ZDHHC21: variants seen among roughly 807,000 people sequenced by gnomAD.
The protein encoded by ZDHHC21 is zDHHC palmitoyltransferase 21, also known as palmitoyltransferase ZDHHC21.
A neutral mutation model predicts 34.6 loss-of-function variants in ZDHHC21; 15 were observed. The ratio of observed to expected loss-of-function variants is 0.43; its 90% CI spans 0.29 to 0.67. The LOEUF is 0.67. ZDHHC21 is among the 30% of genes least tolerant of loss of function. ZDHHC21 has a pLI of 0.14. For missense variants in ZDHHC21, 344 were observed against 327.7 expected (o/e 1.05, Z -0.38); for synonymous variants, 142 against 101.8 (o/e 1.40, Z -2.38).
intron 8 of ZDHHC21, among the ~76,000 whole-genome samples, chr9:14,620,827 C>A (rs569679010): frequency 6.6e-6 from 1 of 152,022 alleles, no homozygotes; most frequent in Admixed American, 6.6e-5. Context: ...TTCATTTACA[C>A]ATTTTCCAGG....
chr9:14,628,015 T>C lies in ZDHHC21; in HGVS notation c.622-8333A>G, dbSNP rs1021562414. 2.6e-5 allele frequency among the ~76,000 whole-genome samples: 4 copies of C among 152,162 alleles called. No individual in the cohort carries two copies. In the South Asian group the frequency reaches 8.3e-4, roughly 31 times the overall value. On this transcript the variant is annotated intron_variant, in intron 8 of 9. Coordinates refer to ENST00000380916, the MANE Select transcript of ZDHHC21 (RefSeq NM_178566.6). Reference sequence around the variant, plus strand: ...TCCCTTAATAAAAAATGCCTCGAAGTAGACTGATTTGAAAACATTTTTATT... The same window carrying C: ...TCCCTTAATAAAAAATGCCTCGAAGCAGACTGATTTGAAAACATTTTTATT...
In ZDHHC21 at chr9:14,612,469, T is replaced by C. The variant is rs1823467596; in HGVS notation, c.*6497A>G. The C allele has an allele frequency of 1.3e-5, 2 of 151,982 alleles. No individual in the cohort carries two copies. The highest frequency in any genetic ancestry group is 3.2e-3 in the Middle Eastern group (1 of 316). The allele number at this position is 151,982 out of a possible 1,614,324, so 9.4% of individuals were successfully genotyped here. ...CATAGCAGCATTACATTTGGACAAT[T>C]ACATTTCAAAGGTGTTTTAAATTAC... On this transcript the variant is annotated 3_prime_UTR_variant, in exon 10 of 10. Coordinates refer to ENST00000380916, the MANE Select transcript of ZDHHC21 (RefSeq NM_178566.6).
chr9:14,661,490 TTTA>T (rs1833388013), intron 6 of ZDHHC21, among the ~76,000 whole-genome samples: 2 of 152,218 alleles, frequency 1.3e-5, no homozygotes, highest in African/African-American at 4.8e-5. Context: ...AGTTTAAATA[TTTA>T]TACAGAGAGC....
chr9:14,638,039 A>G (rs1178975113), intron 8 of ZDHHC21, among the ~76,000 whole-genome samples: 2 of 152,016 alleles, frequency 1.3e-5, no homozygotes, highest in Non-Finnish European at 2.9e-5. Flanking sequence ...TAAAATTTGT[A>G]AGTCAAAAAA....
chr9:14,642,920 A>G (rs1829631255), intron 7 of ZDHHC21, among the ~76,000 whole-genome samples: 2 of 151,850 alleles, frequency 1.3e-5, no homozygotes, highest in Admixed American at 6.6e-5. Flanking sequence ...ATAAATTCAT[A>G]AAACACATGT....
rs1241742054 is a variant in ZDHHC21 at position 14,613,989 on chromosome 9, T to C, written c.*4977A>G. The C allele has an allele frequency of 1.3e-5, 2 of 151,958 alleles. No individual in the cohort carries two copies. The highest frequency in any genetic ancestry group is 1.9e-4 in the East Asian group (1 of 5,176). 9.4% of individuals were successfully genotyped at this position (151,958 alleles called of 1,614,324 possible). A position where few individuals can be genotyped will look rare whatever the true frequency, so the allele number is the denominator to read the frequency against. On this transcript the variant is annotated 3_prime_UTR_variant, in exon 10 of 10. Coordinates refer to ENST00000380916, the MANE Select transcript of ZDHHC21 (RefSeq NM_178566.6). The stretch of plus-strand genomic sequence containing the variant: ...GACCAACTGAAGAGAAACCGCAATA[T>C]AAATTCTTTAAGTTAAATAATTCAA...
the ZDHHC21 span, among the ~76,000 whole-genome samples, chr9:14,605,979 TAAA>T: frequency 6.6e-6 from 1 of 152,078 alleles, no homozygotes; most frequent in Non-Finnish European, 1.5e-5. Context: ...GCATAATAGT[TAAA>T]AAAACAAAAA....
At chr9:14,651,247 G>A (rs569500747) in intron 7 of ZDHHC21, among the ~76,000 whole-genome samples, 54 of 151,934 alleles carry the variant, frequency 3.6e-4, no homozygotes, top group African/African-American at 1.1e-3. Context: ...CAATCAGGAG[G>A]TTCACTGAGC....
chr9:14,685,243 A>C (rs1838106047), intron 2 of ZDHHC21, among the ~76,000 whole-genome samples: 1 of 151,834 alleles, frequency 6.6e-6, no homozygotes, highest in Non-Finnish European at 1.5e-5. Context: ...CAGCAAAAGA[A>C]ACTACCATCA....
intron 8 of ZDHHC21, among the ~76,000 whole-genome samples, chr9:14,636,627 C>T (rs1388308129): frequency 6.6e-6 from 1 of 152,082 alleles, no homozygotes; most frequent in Non-Finnish European, 1.5e-5. Flanking sequence ...GCAAATGGAA[C>T]ATTTTCCAAG....
At chr9:14,652,764 T>A (rs1422929508) in intron 7 of ZDHHC21, among the ~76,000 whole-genome samples, 1 of 151,992 alleles carries the variant, frequency 6.6e-6, no homozygotes, top group Non-Finnish European at 1.5e-5. Context: ...ACAGGTTAAG[T>A]GCCATTACAT....
At chr9:14,605,639 G>T in the ZDHHC21 span, among the ~76,000 whole-genome samples, 1 of 152,100 alleles carries the variant, frequency 6.6e-6, no homozygotes, top group South Asian at 2.1e-4. Flanking sequence ...TCGATAGACT[G>T]CCATTTGATT....
chr9:14,648,307 T>C (rs1277170872), intron 7 of ZDHHC21, among the ~76,000 whole-genome samples: 1 of 135,682 alleles, frequency 7.4e-6, no homozygotes. Flanking sequence ...TTATTTTTCA[T>C]AGCAATCAGG....
intron 2 of ZDHHC21, among the ~76,000 whole-genome samples, chr9:14,680,917 T>C (rs1021617518): frequency 1.4e-4 from 22 of 152,212 alleles, no homozygotes; most frequent in African/African-American, 5.1e-4. Flanking sequence ...TAAATAGCCA[T>C]CAGGAAAAGA....
At chr9:14,589,225 G>C in the ZDHHC21 span, 7 of 152,228 alleles carry the variant, frequency 4.6e-5, no homozygotes, top group Non-Finnish European at 1.0e-4. Flanking sequence ...ATGAAGAAAA[G>C]GAGAGGCAAC....
At chr9:14,659,590 C>CA (rs529633859) in intron 6 of ZDHHC21, among the ~76,000 whole-genome samples, 59 of 152,094 alleles carry the variant, frequency 3.9e-4, no homozygotes, top group African/African-American at 1.4e-3. Context: ...AAAATTCCAG[C>CA]AAAAAACCCT....
At chr9:14,645,598 G>A (rs912714985) in intron 7 of ZDHHC21, among the ~76,000 whole-genome samples, 2 of 152,036 alleles carry the variant, frequency 1.3e-5, no homozygotes, top group Middle Eastern at 3.4e-3. Context: ...TTGATAAGGT[G>A]GAGTACATTA....
chr9:14,611,480 C>T lies in ZDHHC21; in HGVS notation c.*7486G>A, dbSNP rs1823286475. On this transcript the variant is annotated 3_prime_UTR_variant, in exon 10 of 10. Transcript: ENST00000380916. ...GGAAAGACAAGGTAAAAATAATAGA[C>T]AATGCAAGGAAAACAGCACTCAGAT... 1 of 151,898 alleles carries T rather than the reference C, an allele frequency of 6.6e-6. No individual in the cohort carries two copies. Among genetic ancestry groups the T allele is most frequent in the Non-Finnish European group, 1.5e-5 (1 of 67,932 alleles). The allele number at this position is 151,898 out of a possible 1,614,324, so 9.4% of individuals were successfully genotyped here. A position where few individuals can be genotyped will look rare whatever the true frequency, so the allele number is the denominator to read the frequency against.
intron 7 of ZDHHC21, among the ~76,000 whole-genome samples, chr9:14,647,702 C>T (rs1830503802): frequency 2.0e-5 from 3 of 152,118 alleles, no homozygotes; most frequent in Admixed American, 2.0e-4. Flanking sequence ...GACCCTCTCT[C>T]ACCACCATTC....
Sources: gnomAD v4.1 joint callset for allele counts (sites outside exome capture counted in the v4.1 genomes callset) on GRCh38, gnomAD v4.1.1 for gene constraint, MANE v1.5 for transcripts, NCBI Gene and HGNC (gene_info 2026-07-23, HGNC 2026-07-21) for gene names.